Variants in PDE7B observed in about 807,000 individuals in gnomAD.
The protein encoded by PDE7B is phosphodiesterase 7B, also known as 3',5'-cyclic-AMP phosphodiesterase 7B.
PDE7B carries 29 observed loss-of-function variants against 56.2 expected under a neutral mutation model. The ratio of observed to expected loss-of-function variants is 0.52; its 90% CI spans 0.38 to 0.70. The LOEUF is 0.70. Ranked by LOEUF, PDE7B falls within the 30% of genes least tolerant of loss-of-function variation. The pLI, the probability that PDE7B is intolerant of heterozygous loss-of-function variation, is 0.00. For missense variants in PDE7B, 490 were observed against 565.0 expected (o/e 0.87, Z 1.35); for synonymous variants, 197 against 196.9 (o/e 1.00, Z 0.00).
At chr6:135,863,125 G>T (rs185837921) in intron 1 of PDE7B, among the ~76,000 whole-genome samples, 7 of 151,892 alleles carry the variant, frequency 4.6e-5, no homozygotes, top group Non-Finnish European at 8.8e-5. Context: ...AATGTATTCT[G>T]CAATTGTTAG....
intron 1 of PDE7B, among the ~76,000 whole-genome samples, chr6:135,869,035 A>G (rs1775320557): frequency 6.6e-6 from 1 of 152,158 alleles, no homozygotes; most frequent in Non-Finnish European, 1.5e-5. Flanking sequence ...AAAAAAGTAA[A>G]TATCAGCAAT....
In PDE7B at chr6:136,194,809, T is replaced by G. The variant is rs1450867887; in HGVS notation, c.*2969T>G. The G allele has an allele frequency of 6.6e-6, 1 of 152,310 alleles. No individual in the cohort carries two copies. The highest frequency in any genetic ancestry group is 1.5e-5 in the Non-Finnish European group (1 of 68,108). 9.4% of individuals were successfully genotyped at this position (152,310 alleles called of 1,614,324 possible). A position where few individuals can be genotyped will look rare whatever the true frequency, so the allele number is the denominator to read the frequency against. On this transcript the variant is annotated 3_prime_UTR_variant, in exon 13 of 13. Transcript: ENST00000308191. ...AGGAAGCTGAGGCAGGAGAATCGCT[T>G]GAACCTGGGAGGTGGAAGTTGTAGT...
At chr6:136,072,371 G>A (rs1777063955) in intron 2 of PDE7B, among the ~76,000 whole-genome samples, 1 of 152,120 alleles carries the variant, frequency 6.6e-6, no homozygotes, top group African/African-American at 2.4e-5. Context: ...TGTTTTTTAA[G>A]TAGAGATGAG....
chr6:136,032,956 A>G (rs1304571229), intron 2 of PDE7B, among the ~76,000 whole-genome samples: 1 of 152,244 alleles, frequency 6.6e-6, no homozygotes, highest in Non-Finnish European at 1.5e-5. Flanking sequence ...TAACTCTCAG[A>G]TAAGTAGTCT....
chr6:136,076,154 C>A (rs1777124105), intron 2 of PDE7B, among the ~76,000 whole-genome samples: 1 of 152,234 alleles, frequency 6.6e-6, no homozygotes, highest in South Asian at 2.1e-4. Flanking sequence ...TAAGTGCCTG[C>A]AGAAGAGAGA....
At chr6:135,876,854 G>GT (rs1457291080) in intron 1 of PDE7B, among the ~76,000 whole-genome samples, 1 of 144,042 alleles carries the variant, frequency 6.9e-6, no homozygotes, top group Non-Finnish European at 1.5e-5. Flanking sequence ...GAGAGACTCT[G>GT]TGTCAAAAAA....
At chr6:135,919,753 T>C (rs1431154323) in intron 1 of PDE7B, among the ~76,000 whole-genome samples, 1 of 152,218 alleles carries the variant, frequency 6.6e-6, no homozygotes, top group African/African-American at 2.4e-5. Flanking sequence ...ATGATTGACT[T>C]TATATGTTAA....
chr6:135,960,864 C>T (rs1774888049), intron 2 of PDE7B, among the ~76,000 whole-genome samples: 1 of 152,176 alleles, frequency 6.6e-6, no homozygotes. Flanking sequence ...TCACTCAACA[C>T]TGTCTATGAG....
At chr6:136,104,491 C>T (rs1319161353) in intron 2 of PDE7B, among the ~76,000 whole-genome samples, 2 of 152,184 alleles carry the variant, frequency 1.3e-5, no homozygotes, top group Non-Finnish European at 2.9e-5. Flanking sequence ...GCCCAGTAGC[C>T]TCTGCTCCTC....
At chr6:135,967,751 T>C (rs111983886) in intron 2 of PDE7B, among the ~76,000 whole-genome samples, 40 of 152,322 alleles carry the variant, frequency 2.6e-4, no homozygotes, top group African/African-American at 8.4e-4. Flanking sequence ...AAATACATGC[T>C]GAAACTGTAG....
At chr6:135,967,764 A>G (rs775093201) in intron 2 of PDE7B, among the ~76,000 whole-genome samples, 3 of 152,212 alleles carry the variant, frequency 2.0e-5, no homozygotes, top group Non-Finnish European at 4.4e-5. Flanking sequence ...AACTGTAGGA[A>G]AGCTCATGGC....
intron 2 of PDE7B, among the ~76,000 whole-genome samples, chr6:136,011,721 C>T (rs1775897765): frequency 6.6e-6 from 1 of 152,124 alleles, no homozygotes; most frequent in Admixed American, 6.6e-5. Flanking sequence ...TGCATAGTTG[C>T]TAACCTGATG....
At chr6:135,904,324 C>A in intron 1 of PDE7B, among the ~76,000 whole-genome samples, 1 of 152,204 alleles carries the variant, frequency 6.6e-6, no homozygotes, top group African/African-American at 2.4e-5. Flanking sequence ...TGGCAGCTTT[C>A]TGCTTGTTGC....
rs530052268 is a variant in PDE7B at position 136,065,095 on chromosome 6, C to T, written c.83-43636C>T. ...CTAAAAGTCAAGGAAGAGACATCTA[C>T]TTGAACCTCTCTGGGACTAGCAGGA... On this transcript the variant is annotated intron_variant, in intron 2 of 12. Transcript: ENST00000308191. Among the ~76,000 whole-genome samples, 18 of 152,308 alleles carry T rather than the reference C, an allele frequency of 1.2e-4. 1 individual carries two copies. In the South Asian group the frequency reaches 3.7e-3, roughly 32 times the overall value.
At chr6:136,088,991 C>T (rs1407273438) in intron 2 of PDE7B, among the ~76,000 whole-genome samples, 1 of 150,610 alleles carries the variant, frequency 6.6e-6, no homozygotes, top group African/African-American at 2.5e-5. Flanking sequence ...TGCCTTTCCC[C>T]CGCCAAAAAA....
chr6:136,009,555 C>T (rs1472330764), intron 2 of PDE7B, among the ~76,000 whole-genome samples: 1 of 152,054 alleles, frequency 6.6e-6, no homozygotes, highest in Non-Finnish European at 1.5e-5. Flanking sequence ...CTTCACATCC[C>T]TTGTAAGTTG....
At chr6:136,125,773 C>A (rs575801512) in intron 3 of PDE7B, among the ~76,000 whole-genome samples, 1 of 152,070 alleles carries the variant, frequency 6.6e-6, no homozygotes, top group Non-Finnish European at 1.5e-5. Flanking sequence ...ATACTCCATT[C>A]TTCTTGTAAA....
chr6:135,985,520 A>T (rs1001156141), intron 2 of PDE7B, among the ~76,000 whole-genome samples: 1 of 152,222 alleles, frequency 6.6e-6, no homozygotes, highest in Non-Finnish European at 1.5e-5. Context: ...TCATCTGCAA[A>T]GGGAACAATT....
At chr6:136,016,510 G>A (rs914957949) in intron 2 of PDE7B, among the ~76,000 whole-genome samples, 27 of 152,262 alleles carry the variant, frequency 1.8e-4, no homozygotes, top group African/African-American at 5.1e-4. Flanking sequence ...CTTTATCCTC[G>A]CTACAACTCT....
Sources: gnomAD v4.1 joint callset for allele counts (sites outside exome capture counted in the v4.1 genomes callset) on GRCh38, gnomAD v4.1.1 for gene constraint, MANE v1.5 for transcripts, NCBI Gene and HGNC (gene_info 2026-07-23, HGNC 2026-07-21) for gene names.